SLC12A2: variants seen among roughly 807,000 people sequenced by gnomAD.
The protein encoded by SLC12A2 is Na-K-2Cl cotransporter 1.
A neutral mutation model predicts 136.3 loss-of-function variants in SLC12A2; 67 were observed. The ratio of observed to expected loss-of-function variants is 0.49; its 90% CI spans 0.40 to 0.60. SLC12A2 has a LOEUF of 0.60. Ranked by LOEUF, SLC12A2 falls within the 20% of genes least tolerant of loss-of-function variation. The pLI is 0.00. For missense variants in SLC12A2, 1,322 were observed against 1,534.7 expected (o/e 0.86, Z 2.32); for synonymous variants, 619 against 562.9 (o/e 1.10, Z -1.41).
chr5:128,111,813 C>T (rs968517583), intron 1 of SLC12A2, among the ~76,000 whole-genome samples: 2 of 146,706 alleles, frequency 1.4e-5, no homozygotes, highest in South Asian at 2.2e-4. Context: ...TGTGTATATA[C>T]GTGTGTGTGT....
chr5:128,156,939 T>A (rs541610588), intron 15 of SLC12A2, among the ~76,000 whole-genome samples: 1 of 152,192 alleles, frequency 6.6e-6, no homozygotes, highest in Non-Finnish European at 1.5e-5. Context: ...CTAGGAAATA[T>A]ACTGTCTGGC....
At chr5:128,175,035 C>T (rs932801339) in intron 20 of SLC12A2, among the ~76,000 whole-genome samples, 1 of 152,060 alleles carries the variant, frequency 6.6e-6, no homozygotes, top group African/African-American at 2.4e-5. Flanking sequence ...ATCCACAAAT[C>T]TGTGTCATGT....
chr5:128,122,802 C>T (rs1445255122), intron 4 of SLC12A2, among the ~76,000 whole-genome samples: 3 of 151,890 alleles, frequency 2.0e-5, no homozygotes, highest in Non-Finnish European at 4.4e-5. Context: ...CTATTAGTTC[C>T]TACCATTATC....
intron 1 of SLC12A2, among the ~76,000 whole-genome samples, chr5:128,107,906 CA>C (rs907747473): frequency 6.6e-6 from 1 of 152,042 alleles, no homozygotes; most frequent in African/African-American, 2.4e-5. Flanking sequence ...ACACTTTCAC[CA>C]ACAATGTAAT....
At chr5:128,099,229 C>T (rs1760657615) in intron 1 of SLC12A2, among the ~76,000 whole-genome samples, 1 of 152,146 alleles carries the variant, frequency 6.6e-6, no homozygotes, top group Non-Finnish European at 1.5e-5. Context: ...ATGGTGTAGC[C>T]TGTTGCTTCT....
intron 1 of SLC12A2, among the ~76,000 whole-genome samples, chr5:128,104,312 CTCTA>C (rs897057220): frequency 2.0e-5 from 3 of 152,142 alleles, no homozygotes; most frequent in African/African-American, 7.2e-5. Context: ...TAACACAAAA[CTCTA>C]TCTAGTACAC....
chr5:128,148,506 C>T (rs1230867881), intron 11 of SLC12A2, among the ~76,000 whole-genome samples: 4 of 151,672 alleles, frequency 2.6e-5, no homozygotes, highest in African/African-American at 9.7e-5. Context: ...GTGATTTCTT[C>T]TTCATAAAAT....
intron 1 of SLC12A2, among the ~76,000 whole-genome samples, chr5:128,090,275 T>C (rs1760260438): frequency 6.6e-6 from 1 of 152,192 alleles, no homozygotes; most frequent in African/African-American, 2.4e-5. Flanking sequence ...AAAAAATCAG[T>C]ACACTGCTAA....
At chr5:128,157,871 A>G (rs1762912130) in intron 15 of SLC12A2, 182 bp from the exon 16 acceptor site, 1 of 520,094 alleles carries the variant, frequency 1.9e-6, no homozygotes, top group South Asian at 3.1e-5. Context: ...TTGTTCCAAG[A>G]TTTTGTTTCT....
At chr5:128,135,650 G>T in intron 6 of SLC12A2, 50 bp from the exon 7 acceptor site, 1 of 1,174,366 alleles carries the variant, frequency 8.5e-7, no homozygotes, top group South Asian at 1.3e-5. Flanking sequence ...ATTGAATCAA[G>T]ATATAGAAAC....
chr5:128,090,145 A>G (rs1406343988), intron 1 of SLC12A2, among the ~76,000 whole-genome samples: 2 of 152,250 alleles, frequency 1.3e-5, no homozygotes, highest in East Asian at 1.9e-4. Flanking sequence ...AAGTAGTTCT[A>G]CAATGCGGCA....
In SLC12A2 at chr5:128,161,797, G is replaced by A. The variant is rs1016946417; in HGVS notation, c.2613G>A (p.Met871Ile). 1.4e-6 allele frequency: 2 copies of A among 1,448,968 alleles called. No homozygotes were observed. Among genetic ancestry groups the A allele is most frequent in the Middle Eastern group, 1.8e-4 (1 of 5,446 alleles). 89.8% of individuals were successfully genotyped at this position (1,448,968 alleles called of 1,614,324 possible). The change falls in exon 17 of 27, where the codon ATG (methionine) becomes ATA (isoleucine). Residue 871 changes from methionine (M) to isoleucine (I), a missense_variant. Met to Ile is a conservative substitution (Grantham distance 10). This residue lies in a region of SLC12A2 where 226 missense variants were observed against 210.4 expected (regional missense o/e 1.07). Transcript: ENST00000262461. ...TGAGAGAAGGTGCACAGTATTTGAT[G>A]CAGGTAACTTTGTTAATGCTTTTCA... is the stretch of plus-strand genomic sequence containing the variant. ...DDLREGAQYL[M>I]QAAGLGRMKP...
Position 128,158,175 on chromosome 5 carries a change from A to G in SLC12A2, c.2475+11A>G, listed in dbSNP as rs763550873. The G allele has an allele frequency of 1.2e-5, 19 of 1,584,280 alleles. No homozygotes were observed. The South Asian group carries it at 1.7e-4, about 15-fold the overall frequency. Reference sequence around the variant, plus strand: ...GGCCATGTACATATGGTAAGTATCAATTTTGTTTTCTTTTTCAAGTTTTTT... The same window carrying G: ...GGCCATGTACATATGGTAAGTATCAGTTTTGTTTTCTTTTTCAAGTTTTTT... On this transcript the variant is annotated intron_variant, in intron 16 of 26. Transcript: ENST00000262461.
At position 128,148,120 on chromosome 5, in the gene SLC12A2, T is replaced by C. The variant is rs989643857; in HGVS notation, c.1881+391T>C. On this transcript the variant is annotated intron_variant, in intron 11 of 26. Coordinates refer to ENST00000262461, the MANE Select transcript of SLC12A2 (RefSeq NM_001046.3). ...ACCTAAATATTTTATTTTACAAATATTTAAACACCTAACGTGATATACACA... is the reference window on the plus strand; with the variant it reads ...ACCTAAATATTTTATTTTACAAATACTTAAACACCTAACGTGATATACACA... Among the ~76,000 whole-genome samples the C allele has an allele frequency of 9.2e-5, 14 of 151,840 alleles. No individual in the cohort carries two copies. In the East Asian group the frequency reaches 2.3e-3, roughly 25 times the overall value.
rs58191870 is a variant in SLC12A2, at chr5:128,088,007, CTGTG to C, written c.756+3327_756+3330del. Among the ~76,000 whole-genome samples, 175 of 140,386 alleles carry C rather than the reference CTGTG, an allele frequency of 1.2e-3. 3 individuals carry two copies. The highest frequency in any genetic ancestry group is 0.012 in the South Asian group (49 of 4,196). 92.1% of individuals were successfully genotyped at this position (140,386 alleles called of 152,430 possible). On this transcript the variant is annotated intron_variant, in intron 1 of 26. Transcript: ENST00000262461. Reference sequence around the variant, plus strand: ...TATTCCAAGAGTCGTGGAGGAGGCTCTGTGTGTGTGTGTGTGTGTGTGTGTGTGT... The same window carrying C: ...TATTCCAAGAGTCGTGGAGGAGGCTCTGTGTGTGTGTGTGTGTGTGTGTGT...
At chr5:128,159,379 G>T (rs1385815391) in intron 16 of SLC12A2, among the ~76,000 whole-genome samples, 1 of 152,112 alleles carries the variant, frequency 6.6e-6, no homozygotes, top group Non-Finnish European at 1.5e-5. Context: ...AAAAGCAATG[G>T]CAGCAAAAGC....
chr5:128,087,986 C>T (rs910103749), intron 1 of SLC12A2, among the ~76,000 whole-genome samples: 2 of 122,322 alleles, frequency 1.6e-5, no homozygotes, highest in Admixed American at 8.5e-5. Context: ...ACAACTTATT[C>T]CAAGAGTCGT....
At chr5:128,175,751 A>G (rs980534357) in intron 20 of SLC12A2, among the ~76,000 whole-genome samples, 1 of 151,994 alleles carries the variant, frequency 6.6e-6, no homozygotes, top group Non-Finnish European at 1.5e-5. Context: ...TTTTTATTGT[A>G]AAAATCTAAA....
At chr5:128,112,664 C>T in intron 1 of SLC12A2, 150 bp from the exon 2 acceptor site, 3 of 506,362 alleles carry the variant, frequency 5.9e-6, no homozygotes, top group South Asian at 3.6e-5. Context: ...TTGTCCTTTC[C>T]TGGGGTAAAA....
Sources: allele counts gnomAD v4.1 joint callset (sites outside exome capture counted in the v4.1 genomes callset), GRCh38; gene constraint gnomAD v4.1.1; regional missense constraint gnomAD v4.1.1; transcripts MANE v1.5; gene names NCBI Gene and HGNC (gene_info 2026-07-23, HGNC 2026-07-21).